The following IPMK variants were observed in gnomAD, a reference collection of about 807,000 sequenced individuals.
IPMK encodes the protein inositol polyphosphate multikinase.
Under a neutral mutation model 45.8 loss-of-function variants are expected in IPMK, and 17 were observed. The ratio of observed to expected loss-of-function variants is 0.37; its 90% CI spans 0.25 to 0.56. The LOEUF is 0.56. IPMK is among the 20% of genes least tolerant of loss of function. IPMK has a pLI of 0.79. For synonymous variants in IPMK, 180 were observed against 184.3 expected, an observed-to-expected ratio of 0.98 and a Z score of 0.19; for missense variants, 399 against 498.0, an observed-to-expected ratio of 0.80 and a Z score of 1.89.
intron 2 of IPMK, among the ~76,000 whole-genome samples, chr10:58,229,187 G>C (rs1838467167): frequency 6.6e-6 from 1 of 152,122 alleles, no homozygotes; most frequent in Non-Finnish European, 1.5e-5. Flanking sequence ...AAAGAAAAGG[G>C]ACTCTCAACT....
chr10:58,198,828 A>G (rs1837945989), intron 5 of IPMK, among the ~76,000 whole-genome samples: 1 of 152,194 alleles, frequency 6.6e-6, no homozygotes, highest in African/African-American at 2.4e-5. Flanking sequence ...ACACATGGGA[A>G]AATTCAATAA....
At chr10:58,253,754 A>AAAAAAAG (rs1564540285) in intron 1 of IPMK, among the ~76,000 whole-genome samples, 3 of 143,416 alleles carry the variant, frequency 2.1e-5, no homozygotes, top group Non-Finnish European at 3.0e-5. Context: ...AAAAAAAGAA[A>AAAAAAAG]AAAAAAGAAA....
intron 1 of IPMK, among the ~76,000 whole-genome samples, chr10:58,264,292 G>A (rs2019022): frequency 0.34 from 51,508 of 152,056 alleles, 10,970 homozygotes; most frequent in African/African-American, 0.61. Flanking sequence ...TATTGTTCTT[G>A]CAACTTTTCT....
intron 4 of IPMK, among the ~76,000 whole-genome samples, chr10:58,207,127 T>C (rs1394812724): frequency 2.6e-5 from 4 of 152,120 alleles, no homozygotes; most frequent in Non-Finnish European, 4.4e-5. Context: ...CTCAGCCTCC[T>C]GAGTAGCTAG....
intron 2 of IPMK, among the ~76,000 whole-genome samples, chr10:58,235,819 T>A (rs570711012): frequency 6.0e-5 from 9 of 150,838 alleles, no homozygotes; most frequent in Non-Finnish European, 1.3e-4. Context: ...ATAAAAAATT[T>A]AAAAAAAAAG....
Position 58,267,717 on chromosome 10 carries a change from C to A in IPMK, c.-106G>T. On this transcript the variant is annotated 5_prime_UTR_variant, in exon 1 of 6. Transcript: ENST00000373935. ...TCGCTCAGGCTCGGGCGCGAGGAGGCCCGGGGGTTCCCGCGGCTGGTGCCC... is the reference window on the plus strand; with the variant it reads ...TCGCTCAGGCTCGGGCGCGAGGAGGACCGGGGGTTCCCGCGGCTGGTGCCC... The A allele has an allele frequency of 4.4e-6, 3 of 680,870 alleles. No homozygotes were observed. The allele number at this position is 680,870 out of a possible 1,614,324, so 42.2% of individuals were successfully genotyped here. A position where few individuals can be genotyped will look rare whatever the true frequency, so the allele number is the denominator to read the frequency against.
chr10:58,225,962 T>A (rs1435022113), intron 3 of IPMK, among the ~76,000 whole-genome samples: 1 of 152,140 alleles, frequency 6.6e-6, no homozygotes, highest in Non-Finnish European at 1.5e-5. Flanking sequence ...CAAATAGATA[T>A]AGTTAGGACT....
chr10:58,264,307 G>A (rs943467431), intron 1 of IPMK, among the ~76,000 whole-genome samples: 6 of 152,102 alleles, frequency 3.9e-5, no homozygotes, highest in African/African-American at 1.4e-4. Flanking sequence ...TTTTCTGTAG[G>A]CTTGAAATTA....
At chr10:58,208,726 A>T (rs1279316928) in intron 4 of IPMK, among the ~76,000 whole-genome samples, 1 of 152,106 alleles carries the variant, frequency 6.6e-6, no homozygotes, top group African/African-American at 2.4e-5. Context: ...GGATCTCTTG[A>T]AGCTTATCTT....
At chr10:58,224,273 CAA>C (rs1838380700) in intron 3 of IPMK, among the ~76,000 whole-genome samples, 1 of 152,160 alleles carries the variant, frequency 6.6e-6, no homozygotes, top group Non-Finnish European at 1.5e-5. Context: ...TCAATTTTTT[CAA>C]ACCTACTCGA....
At chr10:58,201,362 T>G (rs1837994679) in intron 4 of IPMK, among the ~76,000 whole-genome samples, 1 of 152,222 alleles carries the variant, frequency 6.6e-6, no homozygotes, top group Non-Finnish European at 1.5e-5. Context: ...GTATTACAAT[T>G]TGGTAATTTT....
chr10:58,226,574 T>C (rs1234129817), intron 3 of IPMK, among the ~76,000 whole-genome samples: 1 of 152,130 alleles, frequency 6.6e-6, no homozygotes, highest in Non-Finnish European at 1.5e-5. Flanking sequence ...AAAAGAGAAA[T>C]TCTGTGCCCT....
chr10:58,225,360 T>C (rs1457506448), intron 3 of IPMK, among the ~76,000 whole-genome samples: 1 of 152,152 alleles, frequency 6.6e-6, no homozygotes, highest in East Asian at 1.9e-4. Context: ...ATAACCAAGA[T>C]AGAGGCCAAA....
At chr10:58,217,602 G>T (rs1164546251) in intron 3 of IPMK, among the ~76,000 whole-genome samples, 1 of 148,280 alleles carries the variant, frequency 6.7e-6, no homozygotes, top group Admixed American at 6.8e-5. Flanking sequence ...GCAGGAGAAT[G>T]GCTTGAACCT....
rs1838439612 is a variant in IPMK at position 58,227,677 on chromosome 10, T to TA, written c.277-539_277-538insT. 5.9e-5 allele frequency among the ~76,000 whole-genome samples: 9 copies of TA among 152,170 alleles called. No homozygotes were observed. In the South Asian group the frequency reaches 1.2e-3, roughly 21 times the overall value. On this transcript the variant is annotated intron_variant, in intron 2 of 5. Transcript: ENST00000373935. Reference sequence around the variant, plus strand: ...ATGGTGATTTTTGCTTTTATCTTTTTTAAAAAAAATCCTTTAACACAATGT... The same window carrying TA: ...ATGGTGATTTTTGCTTTTATCTTTTTATAAAAAAAATCCTTTAACACAATGT...
intron 1 of IPMK, among the ~76,000 whole-genome samples, chr10:58,246,585 A>T (rs1250903878): frequency 7.6e-6 from 1 of 132,422 alleles, no homozygotes; most frequent in Non-Finnish European, 1.5e-5. Flanking sequence ...TGGTGCTGGG[A>T]AAACTGGCTA....
intron 3 of IPMK, among the ~76,000 whole-genome samples, chr10:58,218,780 G>A (rs1838286771): frequency 6.6e-6 from 1 of 152,118 alleles, no homozygotes; most frequent in South Asian, 2.1e-4. Flanking sequence ...GAGAAGCTAG[G>A]GTAGAGGCTT....
At chr10:58,267,288 C>A in intron 1 of IPMK, 134 bp downstream of exon 1, 1 of 803,658 alleles carries the variant, frequency 1.2e-6, no homozygotes, top group Non-Finnish European at 2.0e-6. Context: ...CGGGGGACAG[C>A]GGAAGAGGCC....
intron 4 of IPMK, among the ~76,000 whole-genome samples, chr10:58,215,512 G>A (rs549176782): frequency 5.9e-5 from 9 of 151,674 alleles, no homozygotes; most frequent in Non-Finnish European, 1.0e-4. Context: ...GGGCTCAAGT[G>A]ATCCTCCCAC....
Sources: gnomAD v4.1 joint callset for allele counts (sites outside exome capture counted in the v4.1 genomes callset) on GRCh38, gnomAD v4.1.1 for gene constraint, MANE v1.5 for transcripts, NCBI Gene and HGNC (gene_info 2026-07-23, HGNC 2026-07-21) for gene names.